The following RFC3 variants were observed in gnomAD, a reference collection of about 807,000 sequenced individuals.
RFC3 encodes replication factor C subunit 3.
In RFC3, 41 loss-of-function variants were observed where a neutral mutation model predicts 45.1. The ratio of observed to expected loss-of-function variants is 0.91; its 90% CI spans 0.71 to 1.18. The LOEUF is 1.18. Among genes scored for constraint, RFC3 ranks in the 50% most tolerant of loss-of-function variants. The probability of loss-of-function intolerance (pLI) is 0.00; values close to 1 mark genes in which losing one functional copy is unlikely to be tolerated. For missense variants in RFC3, 423 were observed against 428.1 expected, an observed-to-expected ratio of 0.99 and a Z score of 0.10; for synonymous variants, 149 against 144.0, an observed-to-expected ratio of 1.03 and a Z score of -0.25.
intron 8 of RFC3, among the ~76,000 whole-genome samples, chr13:33,843,005 G>A (rs1312397923): frequency 6.6e-6 from 1 of 152,064 alleles, no homozygotes; most frequent in Non-Finnish European, 1.5e-5. Flanking sequence ...AGATTTATCA[G>A]AATTGAGTAA....
intron 3 of RFC3, 123 bp from the exon 4 acceptor site, chr13:33,825,666 T>C (rs1347954141): frequency 4.4e-6 from 2 of 455,428 alleles, no homozygotes; most frequent in Non-Finnish European, 7.6e-6. Context: ...TTTGAAGGGC[T>C]TATAATTATA....
chr13:33,968,080 C>T (rs770687983), downstream of RFC3, among the ~76,000 whole-genome samples: 1 of 152,180 alleles, frequency 6.6e-6, no homozygotes, highest in Non-Finnish European at 1.5e-5. Context: ...TTAACCACTA[C>T]TTAGGGTCAA....
chr13:33,955,452 ATC>A (rs1297494726), intron 8 of RFC3, among the ~76,000 whole-genome samples: 1 of 152,200 alleles, frequency 6.6e-6, no homozygotes. Flanking sequence ...GGAAGAGTAT[ATC>A]TACATGATAA....
chr13:33,927,524 G>A (rs2082821617), intron 8 of RFC3, among the ~76,000 whole-genome samples: 2 of 152,116 alleles, frequency 1.3e-5, no homozygotes. Flanking sequence ...TTTTGTTTAA[G>A]AGGCCAACTC....
intron 8 of RFC3, among the ~76,000 whole-genome samples, chr13:33,901,516 G>A (rs1028013568): frequency 7.9e-5 from 12 of 151,982 alleles, no homozygotes; most frequent in African/African-American, 2.9e-4. Flanking sequence ...GAGTAGACTG[G>A]CAGTTACCAG....
downstream of RFC3, among the ~76,000 whole-genome samples, chr13:33,839,158 C>G (rs943373538): frequency 2.0e-5 from 3 of 152,148 alleles, no homozygotes; most frequent in African/African-American, 7.2e-5. Flanking sequence ...TTTTTATTTT[C>G]TAGTTTAGCC....
chr13:33,954,184 G>A (rs2083007080), intron 8 of RFC3, among the ~76,000 whole-genome samples: 1 of 152,076 alleles, frequency 6.6e-6, no homozygotes, highest in African/African-American at 2.4e-5. Context: ...TGTTTCTCAA[G>A]CAAAATATAC....
intron 5 of RFC3, among the ~76,000 whole-genome samples, chr13:33,830,427 A>G (rs3135599): frequency 0.01 from 1,598 of 152,282 alleles, 30 homozygotes; most frequent in East Asian, 0.033. Context: ...TAATATGAAT[A>G]TATATACATA....
chr13:33,831,652 A>G (rs1483640660), intron 7 of RFC3, among the ~76,000 whole-genome samples: 1 of 116,126 alleles, frequency 8.6e-6, no homozygotes, highest in Non-Finnish European at 1.6e-5. Flanking sequence ...ACATTAACAT[A>G]CAACACAAAG....
At chr13:33,820,031 C>T (rs2081987384) in intron 1 of RFC3, among the ~76,000 whole-genome samples, 1 of 152,154 alleles carries the variant, frequency 6.6e-6, no homozygotes, top group Non-Finnish European at 1.5e-5. Flanking sequence ...GCAATAAGCG[C>T]TTCTCTTAAG....
intron 8 of RFC3, among the ~76,000 whole-genome samples, chr13:33,855,823 G>C (rs989620703): frequency 2.0e-5 from 3 of 151,970 alleles, no homozygotes; most frequent in African/African-American, 4.8e-5. Context: ...TAATGAGCTT[G>C]TTTTTGTCTT....
chr13:33,819,979 A>G (rs2081986789), intron 1 of RFC3, among the ~76,000 whole-genome samples: 1 of 152,196 alleles, frequency 6.6e-6, no homozygotes, highest in South Asian at 2.1e-4. Flanking sequence ...GGGACTTTTT[A>G]GTGACAGAGA....
intron 8 of RFC3, among the ~76,000 whole-genome samples, chr13:33,932,631 G>A (rs2082859826): frequency 6.6e-6 from 1 of 152,076 alleles, no homozygotes; most frequent in Admixed American, 6.6e-5. Context: ...AAACAGAGAA[G>A]GGAAAGTACA....
intron 8 of RFC3, among the ~76,000 whole-genome samples, chr13:33,872,792 A>AACCCCC (rs1555235482): frequency 3.1e-5 from 3 of 97,448 alleles, no homozygotes; most frequent in African/African-American, 1.2e-4. Flanking sequence ...AAGAAACCAA[A>AACCCCC]CCCCCCCCCC....
chr13:33,956,577 C>A (rs897886999), intron 8 of RFC3, among the ~76,000 whole-genome samples: 1 of 152,114 alleles, frequency 6.6e-6, no homozygotes, highest in South Asian at 2.1e-4. Context: ...TATGCCCAAA[C>A]CTTAAATGCA....
intron 8 of RFC3, among the ~76,000 whole-genome samples, chr13:33,871,068 G>A (rs1486883297): frequency 1.3e-5 from 2 of 152,218 alleles, no homozygotes; most frequent in Admixed American, 6.5e-5. Flanking sequence ...GGCCCAGAGA[G>A]GCAGTGTGAC....
intron 8 of RFC3, among the ~76,000 whole-genome samples, chr13:33,946,170 T>A (rs1012062528): frequency 6.6e-6 from 1 of 152,210 alleles, no homozygotes; most frequent in African/African-American, 2.4e-5. Flanking sequence ...AGTAGCACTT[T>A]CCCATTATTC....
At chr13:33,869,227 C>T (rs7986516) in intron 8 of RFC3, among the ~76,000 whole-genome samples, 118,402 of 151,782 alleles carry the variant, frequency 0.78, 48,209 homozygotes, top group Non-Finnish European at 0.92. Context: ...GACACAATAT[C>T]CTTTTGGCAA....
chr13:33,881,929 C>T (rs2082487561), intron 8 of RFC3, among the ~76,000 whole-genome samples: 2 of 152,220 alleles, frequency 1.3e-5, no homozygotes, highest in Admixed American at 6.5e-5. Context: ...AATTTGGACT[C>T]AGAAGTCCTG....
Sources: allele counts gnomAD v4.1 joint callset (sites outside exome capture counted in the v4.1 genomes callset), GRCh38; gene constraint gnomAD v4.1.1; transcripts MANE v1.5; gene names NCBI Gene and HGNC (gene_info 2026-07-23, HGNC 2026-07-21).